ZNF597: variants seen among roughly 807,000 people sequenced by gnomAD.
ZNF597 encodes zinc finger protein 597.
In ZNF597, 5 loss-of-function variants were observed where a neutral mutation model predicts 7.3. That is an observed-to-expected ratio of 0.68 (90% CI 0.36 to 1.44). The LOEUF (loss-of-function observed/expected upper bound fraction) is 1.44, where lower values mean the gene tolerates loss of function less well. ZNF597 is among the 40% of genes most tolerant of loss of function. ZNF597 has a pLI of 0.04. For missense variants in ZNF597, 585 were observed against 517.9 expected (o/e 1.13, Z -1.26); for synonymous variants, 209 against 185.4 (o/e 1.13, Z -1.04).
Position 3,436,277 on chromosome 16 carries a change from C to T in ZNF597, c.*147G>A. The T allele has an allele frequency of 1.3e-6, 1 of 792,824 alleles. No homozygotes were observed. Among genetic ancestry groups the T allele is most frequent in the Non-Finnish European group, 1.9e-6 (1 of 514,606 alleles). 49.1% of individuals were successfully genotyped at this position (792,824 alleles called of 1,614,324 possible). A position where few individuals can be genotyped will look rare whatever the true frequency, so the allele number is the denominator to read the frequency against. On this transcript the variant is annotated 3_prime_UTR_variant, in exon 4 of 4. Transcript: ENST00000301744. ...ACTTATAAAATGGAAATGATACTGCCTAAATCACGGTTGTGCTGAGAATTA... is the reference window on the plus strand; with the variant it reads ...ACTTATAAAATGGAAATGATACTGCTTAAATCACGGTTGTGCTGAGAATTA...
chr16:3,439,765 C>A (rs867381903), intron 3 of ZNF597, among the ~76,000 whole-genome samples: 7 of 151,892 alleles, frequency 4.6e-5, no homozygotes, highest in Non-Finnish European at 1.5e-5. Flanking sequence ...TAACATCCGA[C>A]CAAAATTTAC....
At position 3,437,393 on chromosome 16, in the gene ZNF597, T is replaced by G. The variant is rs1227185372; in HGVS notation, c.306A>C (p.Glu102Asp). The G allele has an allele frequency of 6.2e-7, 1 of 1,614,024 alleles. No individual in the cohort carries two copies. Residue 102 changes from glutamate (E) to aspartate (D), a missense_variant, in exon 4 of 4, where the codon GAA becomes GAC. Glu to Asp is a conservative substitution (Grantham distance 45, BLOSUM62 2). Transcript: ENST00000301744. ...TGGGAGTTCCACTTAATATTTTCGC[T>G]TCAGGGTTTCCAACTCCATCCTCAG... ...KSSEDGVGNP[E>D]AKILSGTPTY...
chr16:3,442,158 C>T (rs1173454779), intron 2 of ZNF597, among the ~76,000 whole-genome samples: 1 of 152,254 alleles, frequency 6.6e-6, no homozygotes, highest in Non-Finnish European at 1.5e-5. Context: ...CCTTCTCTAA[C>T]GGTGTGATAA....
chr16:3,437,362 T>C lies in ZNF597; in HGVS notation c.337A>G (p.Lys113Glu). 1 of 1,614,164 alleles carries C rather than the reference T, an allele frequency of 6.2e-7. No homozygotes were observed. The highest frequency in any genetic ancestry group is 8.5e-7 in the Non-Finnish European group (1 of 1,180,028). ...ACTAAAAGGCTGATGACCCTTCTCTTGTAAGTGGGAGTTCCACTTAATATT... is the reference window on the plus strand; with the variant it reads ...ACTAAAAGGCTGATGACCCTTCTCTCGTAAGTGGGAGTTCCACTTAATATT... ...AKILSGTPTY[K>E]RRVISLLVTI... is the part of the protein sequence containing the mutation. Residue 113 changes from lysine to glutamate, a missense_variant, in exon 4 of 4, where the codon AAG (lysine) becomes GAG (glutamate). Physicochemically the swap from Lys to Glu is moderately conservative, Grantham distance 56. Transcript: ENST00000301744.
In ZNF597 at chr16:3,436,981, A is replaced by G; in HGVS notation, c.718T>C (p.Tyr240His). The change falls in exon 4 of 4, where the codon TAT becomes CAT. Residue 240 changes from tyrosine to histidine, a missense_variant. By Grantham distance (83) the Tyr-to-His change is moderately conservative. Transcript: ENST00000301744. Reference protein sequence around the residue: ...HMNSHVKEKPYTCSICGRGFM... With the variant: ...HMNSHVKEKPHTCSICGRGFM... ...CCTCTACCACATATGCTACATGTAT[A>G]GGGCTTCTCCTTTACGTGGCTATTC... The G allele has an allele frequency of 1.2e-6, 2 of 1,614,230 alleles. No individual in the cohort carries two copies. The highest frequency in any genetic ancestry group is 2.2e-5 in the South Asian group (2 of 91,082).
Position 3,434,758 on chromosome 16 carries a change from GTCC to G in ZNF597, c.*1663_*1665del, listed in dbSNP as rs1189945533. ...CCTTCTGCTACCTTCCATATAATTA[GTCC>G]TCAAGAGTCCTTTATCTTTTCTCCC... On this transcript the variant is annotated 3_prime_UTR_variant, in exon 4 of 4. Coordinates refer to ENST00000301744, the MANE Select transcript of ZNF597 (RefSeq NM_152457.3). 8 of 152,078 alleles carry G rather than the reference GTCC, an allele frequency of 5.3e-5. No individual in the cohort carries two copies. The highest frequency in any genetic ancestry group is 5.2e-4 in the Admixed American group (8 of 15,254). 9.4% of individuals were successfully genotyped at this position (152,078 alleles called of 1,614,324 possible).
At position 3,437,390 on chromosome 16, in the gene ZNF597, C is replaced by T. The variant is rs372249389; in HGVS notation, c.309G>A (p.Ala103=). The change falls in exon 4 of 4, where the codon GCG becomes GCA. Residue 103 remains alanine, a synonymous_variant. Transcript: ENST00000301744. ...SSEDGVGNPE[A]KILSGTPTYK... The stretch of plus-strand genomic sequence containing the variant: ...AAGTGGGAGTTCCACTTAATATTTT[C>T]GCTTCAGGGTTTCCAACTCCATCCT... The T allele has an allele frequency of 1.8e-5, 29 of 1,614,104 alleles. No individual in the cohort carries two copies. The highest frequency in any genetic ancestry group is 3.3e-4 in the Middle Eastern group (2 of 6,062).
At chr16:3,442,608 G>C (rs748814441) in intron 2 of ZNF597, among the ~76,000 whole-genome samples, 2 of 151,824 alleles carry the variant, frequency 1.3e-5, no homozygotes, top group African/African-American at 4.8e-5. Flanking sequence ...CCGGGAGGCG[G>C]AGCTTGCAGT....
intron 3 of ZNF597, 31 bp downstream of exon 3, chr16:3,440,776 G>T: frequency 6.2e-7 from 1 of 1,611,738 alleles, no homozygotes; most frequent in African/African-American, 1.3e-5. Flanking sequence ...ATTGACAAAA[G>T]TTCCAGATGC....
In ZNF597 at chr16:3,434,842, C is replaced by G. The variant is rs1394577625; in HGVS notation, c.*1582G>C. 1 of 152,132 alleles carries G rather than the reference C, an allele frequency of 6.6e-6. No individual in the cohort carries two copies. Among genetic ancestry groups the G allele is most frequent in the Non-Finnish European group, 1.5e-5 (1 of 68,030 alleles). The allele number at this position is 152,132 out of a possible 1,614,324, so 9.4% of individuals were successfully genotyped here. The stretch of plus-strand genomic sequence containing the variant: ...AGCAAATATTGTACTTTTATACTGT[C>G]TATTTAAATAGAATGAGAGCATTCT... On this transcript the variant is annotated 3_prime_UTR_variant, in exon 4 of 4. Transcript: ENST00000301744.
At position 3,436,816 on chromosome 16, in the gene ZNF597, G is replaced by T; in HGVS notation, c.883C>A (p.Gln295Lys). ...LPEETFVSGPQYQHTKCMKSF... is the reference protein window; with the variant it reads ...LPEETFVSGPKYQHTKCMKSF... ...TTCATGCACTTAGTGTGCTGGTACT[G>T]GGGGCCTGATACGAATGTTTCCTCA... Residue 295 changes from glutamine (Q) to lysine (K), a missense_variant, in exon 4 of 4, where the codon CAG (glutamine) becomes AAG (lysine). By Grantham distance (53) the Gln-to-Lys change is moderately conservative (BLOSUM62 1). Transcript: ENST00000301744. The T allele has an allele frequency of 6.2e-7, 1 of 1,613,640 alleles. No individual in the cohort carries two copies. Among genetic ancestry groups the T allele is most frequent in the Non-Finnish European group, 8.5e-7 (1 of 1,180,038 alleles).
At chr16:3,443,289 C>A (rs1463453296) in intron 1 of ZNF597, 71 bp downstream of exon 1, 19 of 831,518 alleles carry the variant, frequency 2.3e-5, no homozygotes, top group Non-Finnish European at 2.5e-5. Flanking sequence ...TCGATTCCCT[C>A]CGAACCCCCC....
chr16:3,439,940 T>G (rs528316226), intron 3 of ZNF597, among the ~76,000 whole-genome samples: 3 of 152,202 alleles, frequency 2.0e-5, no homozygotes, highest in Middle Eastern at 3.4e-3. Flanking sequence ...GAAGACAACA[T>G]GAACATGATG....
Position 3,440,957 on chromosome 16 carries a change from G to T in ZNF597, c.34-24C>A, listed in dbSNP as rs887726122. On this transcript the variant is annotated intron_variant, in intron 2 of 3. Coordinates refer to ENST00000301744, the MANE Select transcript of ZNF597 (RefSeq NM_152457.3). Reference sequence around the variant, plus strand: ...CCCTGAAACACAAGAGCCTGTGTCAGCACAAGAGGGTGGAGGGTCAGCCCC... The same window carrying T: ...CCCTGAAACACAAGAGCCTGTGTCATCACAAGAGGGTGGAGGGTCAGCCCC... The T allele has an allele frequency of 5.6e-6, 9 of 1,607,936 alleles. No individual in the cohort carries two copies. In the African/African-American group the frequency reaches 8.0e-5, roughly 14 times the overall value.
At chr16:3,443,049 C>T (rs753374456) in intron 2 of ZNF597, 72 bp downstream of exon 2, 6 of 1,590,494 alleles carry the variant, frequency 3.8e-6, no homozygotes, top group Non-Finnish European at 5.2e-6. Flanking sequence ...GCCCAACTCT[C>T]CTCCAAAGGA....
At chr16:3,443,299 C>A (rs138595895) in intron 1 of ZNF597, 61 bp downstream of exon 1, 21 of 760,718 alleles carry the variant, frequency 2.8e-5, no homozygotes, top group Admixed American at 6.5e-5. Context: ...CCGAACCCCC[C>A]CTTAAAAACC....
intron 3 of ZNF597, 78 bp downstream of exon 3, chr16:3,440,729 C>A: frequency 6.4e-7 from 1 of 1,568,488 alleles, no homozygotes; most frequent in South Asian, 1.2e-5. Context: ...CTCCACCATA[C>A]CAACATCTGG....
chr16:3,435,909 A>T lies in ZNF597; in HGVS notation c.*515T>A, dbSNP rs2034295864. 6.5e-6 allele frequency: 1 copy of T among 153,972 alleles called. No homozygotes were observed. The highest frequency in any genetic ancestry group is 2.0e-4 in the South Asian group (1 of 4,938). 9.5% of individuals were successfully genotyped at this position (153,972 alleles called of 1,614,324 possible). A position where few individuals can be genotyped will look rare whatever the true frequency, so the allele number is the denominator to read the frequency against. On this transcript the variant is annotated 3_prime_UTR_variant, in exon 4 of 4. Transcript: ENST00000301744. ...ACCCATTTGGGAACTTTTACAGGGCAGAAAAAAACTTCTGAACGCCTGTGG... is the reference window on the plus strand; with the variant it reads ...ACCCATTTGGGAACTTTTACAGGGCTGAAAAAAACTTCTGAACGCCTGTGG...
Position 3,436,738 on chromosome 16 carries a change from C to T in ZNF597, c.961G>A (p.Asp321Asn), listed in dbSNP as rs1053661318. 5.0e-6 allele frequency: 8 copies of T among 1,614,054 alleles called. No homozygotes were observed. Among genetic ancestry groups the T allele is most frequent in the Non-Finnish European group, 6.8e-6 (8 of 1,180,030 alleles). ...PALSEKSHDE[D>N]SERCSDDGDN... is the part of the protein sequence containing the mutation. ...CCATCATCGCTGCAGCGTTCAGAGT[C>T]CTCGTCGTGGCTCTTCTCGGAAAGG... The change falls in exon 4 of 4, where the codon GAC (aspartate) becomes AAC (asparagine). Residue 321 changes from aspartate (D) to asparagine (N), a missense_variant. Physicochemically the swap from Asp to Asn is conservative, Grantham distance 23 (BLOSUM62 1). Coordinates refer to ENST00000301744, the MANE Select transcript of ZNF597 (RefSeq NM_152457.3).
Sources: gnomAD v4.1 joint callset for allele counts (sites outside exome capture counted in the v4.1 genomes callset) on GRCh38, gnomAD v4.1.1 for gene constraint, MANE v1.5 for transcripts, NCBI Gene and HGNC (gene_info 2026-07-23, HGNC 2026-07-21) for gene names.